The following PTPRK variants were observed in gnomAD, a reference collection of about 807,000 sequenced individuals.
PTPRK encodes protein tyrosine phosphatase receptor type K, also known as receptor-type tyrosine-protein phosphatase kappa.
PTPRK carries 75 observed loss-of-function variants against 178.0 expected under a neutral mutation model. That is an observed-to-expected ratio of 0.42 (90% CI 0.35 to 0.51). The LOEUF (loss-of-function observed/expected upper bound fraction) is 0.51. Ranked by LOEUF, PTPRK falls within the 20% of genes least tolerant of loss-of-function variation. The pLI, the probability that PTPRK is intolerant of heterozygous loss-of-function variation, is 0.02. For missense variants in PTPRK, 1,441 were observed against 1,797.8 expected, an observed-to-expected ratio of 0.80 and a Z score of 3.59; for synonymous variants, 637 against 620.6, an observed-to-expected ratio of 1.03 and a Z score of -0.39.
chr6:128,320,811 C>T (rs994314018), intron 3 of PTPRK, among the ~76,000 whole-genome samples: 1 of 152,094 alleles, frequency 6.6e-6, no homozygotes, highest in Non-Finnish European at 1.5e-5. Context: ...ACCTACCTAC[C>T]ATATCATATA....
chr6:128,351,871 C>A (rs1288466599), intron 2 of PTPRK, among the ~76,000 whole-genome samples: 1 of 152,156 alleles, frequency 6.6e-6, no homozygotes, highest in African/African-American at 2.4e-5. Context: ...GGGTCCAGAT[C>A]ATCCATCTCA....
At chr6:128,153,205 A>G (rs1797518092) in intron 7 of PTPRK, among the ~76,000 whole-genome samples, 1 of 152,036 alleles carries the variant, frequency 6.6e-6, no homozygotes, top group African/African-American at 2.4e-5. Flanking sequence ...AATCAAAATC[A>G]AAGAAAGACT....
chr6:128,405,073 A>C (rs563397846), intron 1 of PTPRK, among the ~76,000 whole-genome samples: 1 of 152,300 alleles, frequency 6.6e-6, no homozygotes, highest in South Asian at 2.1e-4. Context: ...ATAATATATC[A>C]ACGTCTCTCA....
At chr6:128,053,137 C>T (rs1345376386) in intron 13 of PTPRK, among the ~76,000 whole-genome samples, 4 of 128,902 alleles carry the variant, frequency 3.1e-5, no homozygotes. Context: ...TCTCAGTGGA[C>T]TATGTGTATG....
intron 2 of PTPRK, among the ~76,000 whole-genome samples, chr6:128,369,843 A>G (rs1021315992): frequency 2.6e-5 from 4 of 152,096 alleles, no homozygotes; most frequent in African/African-American, 9.7e-5. Context: ...CTTTGTTCCA[A>G]TGATGGGAGG....
intron 7 of PTPRK, among the ~76,000 whole-genome samples, chr6:128,105,577 A>C (rs1168338475): frequency 6.6e-6 from 1 of 152,248 alleles, no homozygotes; most frequent in East Asian, 1.9e-4. Context: ...TCATGAAGAC[A>C]GAAAGAAAAT....
At position 128,226,512 on chromosome 6, in the gene PTPRK, A is replaced by T. The variant is rs1190505002; in HGVS notation, c.694-7416T>A. On this transcript the variant is annotated intron_variant, in intron 5 of 29. Coordinates refer to ENST00000368226, the MANE Select transcript of PTPRK (RefSeq NM_002844.4). ...AGATTATCCTAGATAGTCTGAGTGG[A>T]CTGGATTGAATCAGTTGAAAGGCTT... Among the ~76,000 whole-genome samples the T allele has an allele frequency of 2.0e-5, 3 of 152,014 alleles. No homozygotes were observed. In the East Asian group the frequency reaches 5.8e-4, roughly 30 times the overall value.
chr6:128,146,126 T>C (rs1401322459), intron 7 of PTPRK, among the ~76,000 whole-genome samples: 2 of 152,062 alleles, frequency 1.3e-5, no homozygotes, highest in African/African-American at 4.8e-5. Context: ...TTCCAGCAGA[T>C]CCAGGGTTAG....
At chr6:128,261,621 C>G (rs1380178105) in intron 3 of PTPRK, among the ~76,000 whole-genome samples, 1 of 152,174 alleles carries the variant, frequency 6.6e-6, no homozygotes, top group African/African-American at 2.4e-5. Flanking sequence ...TGTTCTGTAT[C>G]TGTCTACATA....
At chr6:128,336,393 G>C (rs1172895802) in intron 2 of PTPRK, among the ~76,000 whole-genome samples, 1 of 152,082 alleles carries the variant, frequency 6.6e-6, no homozygotes, top group Non-Finnish European at 1.5e-5. Context: ...AATAACTTCA[G>C]CCAAAAGAAG....
At chr6:128,472,356 CTTGT>C (rs569321523) in intron 1 of PTPRK, among the ~76,000 whole-genome samples, 10 of 151,308 alleles carry the variant, frequency 6.6e-5, no homozygotes, top group South Asian at 2.1e-4. Flanking sequence ...ATGTGTGTTG[CTTGT>C]TTGTTTTGTT....
At chr6:128,330,583 C>G (rs1473165275) in intron 2 of PTPRK, among the ~76,000 whole-genome samples, 1 of 152,146 alleles carries the variant, frequency 6.6e-6, no homozygotes, top group Non-Finnish European at 1.5e-5. Context: ...TTACCAAACT[C>G]CTATTACCTC....
intron 5 of PTPRK, among the ~76,000 whole-genome samples, chr6:128,234,135 A>G (rs573496081): frequency 3.6e-4 from 55 of 152,322 alleles, no homozygotes; most frequent in South Asian, 8.3e-4. Context: ...GGTGTTCTTA[A>G]AGCAGAAACT....
At chr6:128,004,333 A>C (rs1016336688) in intron 15 of PTPRK, among the ~76,000 whole-genome samples, 6 of 151,866 alleles carry the variant, frequency 4.0e-5, no homozygotes, top group Admixed American at 1.3e-4. Context: ...CAGATGCACT[A>C]TAGAACAGAA....
At chr6:128,275,115 T>G (rs533045298) in intron 3 of PTPRK, among the ~76,000 whole-genome samples, 86 of 152,152 alleles carry the variant, frequency 5.7e-4, no homozygotes, top group African/African-American at 1.9e-3. Context: ...CACTTTCATT[T>G]TAATCATAAC....
chr6:128,053,956 T>G (rs1779480227), intron 13 of PTPRK, among the ~76,000 whole-genome samples: 1 of 152,222 alleles, frequency 6.6e-6, no homozygotes, highest in Middle Eastern at 3.2e-3. Context: ...TCACCTCTAC[T>G]ATTTAACTGC....
At chr6:128,278,315 C>A (rs1016637610) in intron 3 of PTPRK, among the ~76,000 whole-genome samples, 2 of 151,968 alleles carry the variant, frequency 1.3e-5, no homozygotes, top group African/African-American at 2.4e-5. Context: ...CACCACCACG[C>A]CCAGGTAATT....
chr6:128,217,077 G>C (rs17055452), intron 6 of PTPRK, among the ~76,000 whole-genome samples: 1 of 152,228 alleles, frequency 6.6e-6, no homozygotes, highest in East Asian at 1.9e-4. Flanking sequence ...CGTTCCTGTA[G>C]CCATAGCATA....
At chr6:128,514,943 C>T (rs1439477439) in intron 1 of PTPRK, among the ~76,000 whole-genome samples, 1 of 152,180 alleles carries the variant, frequency 6.6e-6, no homozygotes, top group African/African-American at 2.4e-5. Context: ...AATAAACATA[C>T]TTCCCACAAC....
Sources: allele counts gnomAD v4.1 joint callset (sites outside exome capture counted in the v4.1 genomes callset), GRCh38; gene constraint gnomAD v4.1.1; transcripts MANE v1.5; gene names NCBI Gene and HGNC (gene_info 2026-07-23, HGNC 2026-07-21).